Variants in FMN1 observed in about 807,000 individuals in gnomAD.
FMN1 encodes the protein formin 1.
Under a neutral mutation model 132.4 loss-of-function variants are expected in FMN1, and 110 were observed. That is an observed-to-expected ratio of 0.83 (90% CI 0.71 to 0.97). The LOEUF (loss-of-function observed/expected upper bound fraction) is 0.97, where lower values mean the gene tolerates loss of function less well. FMN1 is among the 50% of genes least tolerant of loss of function. FMN1 has a pLI of 0.00. For missense variants in FMN1, 1,792 were observed against 1,705.3 expected, an observed-to-expected ratio of 1.05 and a Z score of -0.90; for synonymous variants, 722 against 651.7, an observed-to-expected ratio of 1.11 and a Z score of -1.64.
At chr15:32,889,329 G>GT (rs1411126358) in intron 15 of FMN1, among the ~76,000 whole-genome samples, 1 of 152,122 alleles carries the variant, frequency 6.6e-6, no homozygotes, top group African/African-American at 2.4e-5. Flanking sequence ...GTTGTTTAAC[G>GT]TAAGCTTTGT....
In FMN1 at chr15:33,178,329, G is replaced by C. The variant is rs144059633; in HGVS notation, c.-132+1869C>G. On this transcript the variant is annotated intron_variant, in intron 3 of 20. Transcript: ENST00000616417. ...CTTAACATGTACCATCTGAGGAGGTGCCTTTAATCACTCCCTCCTGGCCTG... is the reference window on the plus strand; with the variant it reads ...CTTAACATGTACCATCTGAGGAGGTCCCTTTAATCACTCCCTCCTGGCCTG... Among the ~76,000 whole-genome samples, 278 of 152,266 alleles carry C rather than the reference G, an allele frequency of 1.8e-3. 2 individuals are homozygous for C. Among genetic ancestry groups the C allele is most frequent in the African/African-American group, 6.5e-3 (272 of 41,560 alleles).
chr15:33,164,805 G>A (rs371032895), intron 3 of FMN1, among the ~76,000 whole-genome samples: 54 of 152,162 alleles, frequency 3.5e-4, no homozygotes, highest in Middle Eastern at 6.8e-3. Context: ...ATTTTTATGG[G>A]TACATAGTAG....
At chr15:32,865,963 C>G (rs8035260) in intron 16 of FMN1, among the ~76,000 whole-genome samples, 92,872 of 151,870 alleles carry the variant, frequency 0.61, 30,337 homozygotes, top group African/African-American at 0.84. Context: ...CAATAGCTTT[C>G]GCACATTCTT....
chr15:32,968,162 A>G (rs1259999843), intron 8 of FMN1, among the ~76,000 whole-genome samples: 1 of 152,236 alleles, frequency 6.6e-6, no homozygotes, highest in Non-Finnish European at 1.5e-5. Context: ...CAGTTAAAAG[A>G]AACAGAGTTC....
chr15:32,968,599 T>C, intron 8 of FMN1, 115 bp downstream of exon 8: 1 of 1,466,232 alleles, frequency 6.8e-7, no homozygotes, highest in South Asian at 1.4e-5. Context: ...ATTCACTGTA[T>C]CACACTTGAT....
rs1456950306 is a variant in FMN1, at chr15:32,870,026, C to A, written c.3836-12919G>T. 3.3e-5 allele frequency among the ~76,000 whole-genome samples: 5 copies of A among 152,070 alleles called. No individual in the cohort carries two copies. In the East Asian group the frequency reaches 9.6e-4, roughly 29 times the overall value. On this transcript the variant is annotated intron_variant, in intron 16 of 20. Transcript: ENST00000616417. ...AAATGGGGAAGTCGTTGGAATTAAG[C>A]CTAAAAGATAGCTCTAGTTTTCCTG...
At chr15:33,172,429 A>T (rs1965364987) in intron 3 of FMN1, among the ~76,000 whole-genome samples, 2 of 152,196 alleles carry the variant, frequency 1.3e-5, no homozygotes, top group African/African-American at 4.8e-5. Flanking sequence ...AGCAAGACGA[A>T]AAAAGGTACC....
intron 17 of FMN1, among the ~76,000 whole-genome samples, chr15:32,821,321 T>G (rs183633001): frequency 1.1e-4 from 17 of 152,200 alleles, no homozygotes; most frequent in Non-Finnish European, 1.5e-5. Flanking sequence ...TTCACCAAGC[T>G]TGCTGGCTAT....
At chr15:33,159,701 C>A (rs1729514471) in intron 3 of FMN1, among the ~76,000 whole-genome samples, 1 of 152,208 alleles carries the variant, frequency 6.6e-6, no homozygotes, top group Non-Finnish European at 1.5e-5. Context: ...ACTTTCTCAA[C>A]TTTGTCCTTC....
chr15:33,065,927 TTCC>T (rs1390050083), intron 5 of FMN1, among the ~76,000 whole-genome samples: 1 of 152,190 alleles, frequency 6.6e-6, no homozygotes, highest in East Asian at 1.9e-4. Context: ...CCATTTTATT[TTCC>T]TCATTTTGCA....
At chr15:32,995,526 C>G (rs770008499) in intron 7 of FMN1, among the ~76,000 whole-genome samples, 4 of 152,074 alleles carry the variant, frequency 2.6e-5, no homozygotes, top group African/African-American at 7.2e-5. Flanking sequence ...TAAAATAATC[C>G]ATGGTAAATG....
intron 19 of FMN1, among the ~76,000 whole-genome samples, chr15:32,793,094 C>T (rs949774464): frequency 2.6e-5 from 4 of 152,048 alleles, no homozygotes; most frequent in Non-Finnish European, 4.4e-5. Flanking sequence ...GAAAAGGAGA[C>T]GGAATGATGC....
At chr15:32,978,353 A>C (rs962425780) in intron 7 of FMN1, among the ~76,000 whole-genome samples, 1 of 152,248 alleles carries the variant, frequency 6.6e-6, no homozygotes, top group African/African-American at 2.4e-5. Context: ...AAAAGGCATT[A>C]TTACTCATCG....
chr15:32,820,255 G>GT (rs2058174172), intron 17 of FMN1, among the ~76,000 whole-genome samples: 1 of 152,110 alleles, frequency 6.6e-6, no homozygotes, highest in Non-Finnish European at 1.5e-5. Context: ...AGTGAACTGA[G>GT]TAACAGAGAT....
chr15:33,043,905 C>A (rs938428372), intron 6 of FMN1, among the ~76,000 whole-genome samples: 1 of 152,236 alleles, frequency 6.6e-6, no homozygotes, highest in Non-Finnish European at 1.5e-5. Flanking sequence ...GCAGCTGCAG[C>A]TGCCCAAGCC....
chr15:32,855,171 A>G (rs1391958880), intron 17 of FMN1, among the ~76,000 whole-genome samples: 1 of 151,052 alleles, frequency 6.6e-6, no homozygotes, highest in African/African-American at 2.4e-5. Flanking sequence ...AAAAAAAAAA[A>G]AAAAAAAAAA....
In FMN1 at chr15:32,964,090, C is replaced by T. The variant is rs190832018; in HGVS notation, c.3138+17G>A. 1,098 of 1,587,070 alleles carry T rather than the reference C, an allele frequency of 6.9e-4. 4 individuals are homozygous for T. In the African/African-American group the frequency reaches 0.011, roughly 16 times the overall value. The stretch of plus-strand genomic sequence containing the variant: ...TGTATAATATATAATTACAGCTTTG[C>T]CATAATCACTCAGTACCTTTTTGAC... On this transcript the variant is annotated intron_variant, in intron 9 of 20. Coordinates refer to ENST00000616417, the MANE Select transcript of FMN1 (RefSeq NM_001277313.2).
At chr15:32,824,936 C>T (rs759357361) in intron 17 of FMN1, among the ~76,000 whole-genome samples, 1 of 152,200 alleles carries the variant, frequency 6.6e-6, no homozygotes, top group Non-Finnish European at 1.5e-5. Flanking sequence ...AATTGTCTAC[C>T]ATAACACAAA....
chr15:32,781,976 G>A (rs112235003), intron 19 of FMN1, among the ~76,000 whole-genome samples: 1 of 152,020 alleles, frequency 6.6e-6, no homozygotes, highest in Non-Finnish European at 1.5e-5. Flanking sequence ...CCTCAATGAC[G>A]GTCTGAGTCA....
Sources: allele counts gnomAD v4.1 joint callset (sites outside exome capture counted in the v4.1 genomes callset), GRCh38; gene constraint gnomAD v4.1.1; transcripts MANE v1.5; gene names NCBI Gene and HGNC (gene_info 2026-07-23, HGNC 2026-07-21).